The following BCOR variants were observed in gnomAD, a reference collection of about 807,000 sequenced individuals.
The protein encoded by BCOR is BCL6 corepressor.
A neutral mutation model predicts 86.7 loss-of-function variants in BCOR; 10 were observed. That is an observed-to-expected ratio of 0.12 (90% CI 0.07 to 0.20). The LOEUF is 0.20. Ranked by LOEUF, BCOR falls within the 10% of genes least tolerant of loss-of-function variation. The probability of loss-of-function intolerance (pLI) is 1.00; values close to 1 mark genes in which losing one functional copy is unlikely to be tolerated. For synonymous variants in BCOR, 611 were observed against 609.0 expected, an observed-to-expected ratio of 1.00 and a Z score of -0.05; for missense variants, 1,259 against 1,452.1, an observed-to-expected ratio of 0.87 and a Z score of 2.16.
At chrX:40,078,176 G>A (rs1023483202) in intron 1 of BCOR, among the ~76,000 whole-genome samples, 1 of 112,712 alleles carries the variant, frequency 8.9e-6, no homozygotes, top group Non-Finnish European at 1.9e-5. Context: ...CTGGTAGGAG[G>A]TGCTGGGGCT....
At chrX:40,148,034 G>A (rs1938098078) in intron 1 of BCOR, among the ~76,000 whole-genome samples, 1 of 112,240 alleles carries the variant, frequency 8.9e-6, no homozygotes, top group African/African-American at 3.2e-5. Flanking sequence ...TCAGAGAGCT[G>A]GTGCCTCCAC....
At chrX:40,052,822 C>A (rs1602103025) in intron 14 of BCOR, among the ~76,000 whole-genome samples, 1 of 111,266 alleles carries the variant, frequency 9.0e-6, no homozygotes, top group East Asian at 2.8e-4. Context: ...CCTTGGCCTC[C>A]CAAAGTGCTG....
At chrX:40,107,160 C>T (rs1937205439) in intron 1 of BCOR, among the ~76,000 whole-genome samples, 1 of 112,308 alleles carries the variant, frequency 8.9e-6, no homozygotes, top group Non-Finnish European at 1.9e-5. Flanking sequence ...TGGAATCTGT[C>T]ACCCCCAACT....
chrX:40,084,711 C>G (rs932903279), intron 1 of BCOR, among the ~76,000 whole-genome samples: 3 of 97,963 alleles, frequency 3.1e-5, no homozygotes, highest in Non-Finnish European at 5.9e-5. Flanking sequence ...CCACCCCCCC[C>G]CACCACCACC....
intron 1 of BCOR, among the ~76,000 whole-genome samples, chrX:40,162,231 C>T (rs189071891): frequency 6.8e-4 from 76 of 112,081 alleles, no homozygotes; most frequent in Non-Finnish European, 1.3e-3. Flanking sequence ...TTCTCCTTTG[C>T]CCTGAGAACA....
At position 40,062,305 on chromosome X, in the gene BCOR, C is replaced by T. The variant is rs779671180; in HGVS notation, c.4262G>A (p.Arg1421His). 11 of 1,209,436 alleles carry T rather than the reference C, an allele frequency of 9.1e-6. No individual in the cohort carries two copies. Among genetic ancestry groups the T allele is most frequent in the Middle Eastern group, 2.3e-4 (1 of 4,354 alleles). Residue 1421 changes from arginine to histidine, a missense_variant, in exon 10 of 15, where the codon CGC becomes CAC. Physicochemically the swap from Arg to His is conservative, Grantham distance 29. Transcript: ENST00000378444. ...GGAGGCTGGTAGCAGTTGCTGCAAG[C>T]GGTCGAAGGGCTTTGGCTCCTGCTT... Reference protein sequence around the residue: ...PAKQEPKPFDRLQQLLPASQS... With the variant: ...PAKQEPKPFDHLQQLLPASQS...
At chrX:40,133,796 T>A (rs1051859398) in intron 1 of BCOR, among the ~76,000 whole-genome samples, 1 of 110,191 alleles carries the variant, frequency 9.1e-6, no homozygotes, top group Non-Finnish European at 1.9e-5. Context: ...ATCTGGGGAG[T>A]CTTTTCTACT....
chrX:40,166,308 T>C (rs1938507168), intron 1 of BCOR, among the ~76,000 whole-genome samples: 1 of 112,274 alleles, frequency 8.9e-6, no homozygotes, highest in African/African-American at 3.2e-5. Flanking sequence ...ACCTCTGAAT[T>C]CGGGTTGGTG....
At chrX:40,157,190 G>A (rs1157410969) in intron 1 of BCOR, among the ~76,000 whole-genome samples, 1 of 112,673 alleles carries the variant, frequency 8.9e-6, no homozygotes, top group African/African-American at 3.2e-5. Flanking sequence ...AGTGTGCAGA[G>A]GGGAGAAAAC....
Position 40,076,585 on chromosome X carries a change from T to C in BCOR, c.87-53A>G, listed in dbSNP as rs1001008684. 6.2e-6 allele frequency: 6 copies of C among 969,586 alleles called. No individual in the cohort carries two copies. The Admixed American group carries it at 1.3e-4, about 22-fold the overall frequency. 79.9% of individuals were successfully genotyped at this position (969,586 alleles called of 1,213,427 possible). A position where few individuals can be genotyped will look rare whatever the true frequency, so the allele number is the denominator to read the frequency against. ...GAAAGCATTCCTCACTGAATCCATC[T>C]TTCACAGATCTCCCCAGAACAGACC... On this transcript the variant is annotated intron_variant, in intron 2 of 14. Coordinates refer to ENST00000378444, the MANE Select transcript of BCOR (RefSeq NM_001123385.2).
chrX:40,176,059 T>C (rs868023720), intron 1 of BCOR, among the ~76,000 whole-genome samples: 1 of 112,553 alleles, frequency 8.9e-6, no homozygotes, highest in Admixed American at 9.3e-5. Flanking sequence ...ATGGCCAAGT[T>C]TGTGTCCTTT....
At chrX:40,061,227 A>G (rs921684676) in intron 10 of BCOR, among the ~76,000 whole-genome samples, 1 of 111,934 alleles carries the variant, frequency 8.9e-6, no homozygotes, top group Non-Finnish European at 1.9e-5. Flanking sequence ...CACTATCTCA[A>G]CTGACAAGTG....
intron 1 of BCOR, among the ~76,000 whole-genome samples, chrX:40,082,108 G>A (rs1039603503): frequency 2.7e-5 from 3 of 111,942 alleles, no homozygotes; most frequent in East Asian, 5.6e-4. Context: ...GGGGGGCGTC[G>A]AGGGACCAAG....
chrX:40,095,986 G>C (rs1375559755), intron 1 of BCOR, among the ~76,000 whole-genome samples: 1 of 112,393 alleles, frequency 8.9e-6, no homozygotes, highest in Non-Finnish European at 1.9e-5. Context: ...CTCCACACAC[G>C]GTGCCCCAAG....
Position 40,073,582 on chromosome X carries a change from T to C in BCOR, c.1764A>G (p.Val588=). ...GCTGAATAACGGATGGTGTGGTTTC[T>C]ACAGAGCTCCTGCTGGTTTTGGTGC... ...ADGTKTSRSS[V]ETTPSVIQHV... is the part of the protein sequence containing the mutation. Residue 588 remains valine, a synonymous_variant, in exon 4 of 15, where the codon GTA becomes GTG. Transcript: ENST00000378444. The C allele has an allele frequency of 8.2e-7, 1 of 1,212,300 alleles. No homozygotes were observed. The highest frequency in any genetic ancestry group is 1.1e-6 in the Non-Finnish European group (1 of 895,659).
chrX:40,077,004 T>A, intron 2 of BCOR: 2 of 277,465 alleles, frequency 7.2e-6, no homozygotes, highest in South Asian at 6.5e-5. Flanking sequence ...CTTTCAAAAC[T>A]TTTTCCAAAA....
intron 1 of BCOR, among the ~76,000 whole-genome samples, chrX:40,080,970 C>T (rs1456727738): frequency 4.7e-5 from 2 of 42,971 alleles, no homozygotes; most frequent in Non-Finnish European, 8.5e-5. Context: ...CACGCACGCA[C>T]ACGCGCACAC....
intron 1 of BCOR, among the ~76,000 whole-genome samples, chrX:40,138,695 C>CA (rs1937743418): frequency 9.1e-6 from 1 of 110,424 alleles, no homozygotes; most frequent in Admixed American, 9.7e-5. Flanking sequence ...GCTGGGGTTA[C>CA]AGGCACCCAC....
At chrX:40,133,139 CTTTTTTTTT>C (rs774822335) in intron 1 of BCOR, among the ~76,000 whole-genome samples, 1 of 100,274 alleles carries the variant, frequency 1.0e-5, no homozygotes, top group Admixed American at 1.1e-4. Flanking sequence ...TTCTTTTTTT[CTTTTTTTTT>C]TTTTTTTGAG....
Sources: gnomAD v4.1 joint callset for allele counts (sites outside exome capture counted in the v4.1 genomes callset) on GRCh38, gnomAD v4.1.1 for gene constraint, MANE v1.5 for transcripts, NCBI Gene and HGNC (gene_info 2026-07-23, HGNC 2026-07-21) for gene names.